CACHD1: variants seen among roughly 807,000 people sequenced by gnomAD.
The protein encoded by CACHD1 is VWFA and cache domain-containing protein 1.
CACHD1 carries 71 observed loss-of-function variants against 138.7 expected under a neutral mutation model. The observed-to-expected ratio is 0.51, with a 90% CI of 0.42 to 0.62. The LOEUF is 0.62. Among genes scored for constraint, CACHD1 ranks in the 20% least tolerant of loss-of-function variants. The pLI is 0.00. For missense variants in CACHD1, 1,389 were observed against 1,625.3 expected, an observed-to-expected ratio of 0.85 and a Z score of 2.50; for synonymous variants, 578 against 591.5, an observed-to-expected ratio of 0.98 and a Z score of 0.33.
chr1:64,685,042 C>G (rs1223379395), intron 26 of CACHD1, among the ~76,000 whole-genome samples: 1 of 152,196 alleles, frequency 6.6e-6, no homozygotes, highest in Non-Finnish European at 1.5e-5. Context: ...CTCCCAACCT[C>G]AGGTGATCCG....
intron 1 of CACHD1, among the ~76,000 whole-genome samples, chr1:64,524,035 AAAAG>A (rs1646518421): frequency 6.6e-6 from 1 of 152,132 alleles, no homozygotes; most frequent in Admixed American, 6.5e-5. Flanking sequence ...GTACAAAAAA[AAAAG>A]AGACACCATC....
chr1:64,472,259 C>T (rs1233330981), intron 1 of CACHD1, among the ~76,000 whole-genome samples: 3 of 152,034 alleles, frequency 2.0e-5, no homozygotes, highest in Admixed American at 2.0e-4. Flanking sequence ...TCCTCCTTCT[C>T]GTTCTTCTCC....
chr1:64,671,025 A>C (rs1040476034), intron 16 of CACHD1, among the ~76,000 whole-genome samples: 2 of 152,200 alleles, frequency 1.3e-5, no homozygotes, highest in East Asian at 3.9e-4. Context: ...TTGTTCTAGA[A>C]TATGAGCTGT....
intron 2 of CACHD1, among the ~76,000 whole-genome samples, chr1:64,566,949 C>T (rs1278521215): frequency 1.3e-5 from 2 of 151,862 alleles, no homozygotes; most frequent in Admixed American, 1.3e-4. Flanking sequence ...ATGTTTATTG[C>T]AGAGAGTAAA....
intron 16 of CACHD1, among the ~76,000 whole-genome samples, chr1:64,671,344 A>C (rs1649809241): frequency 6.6e-6 from 1 of 152,064 alleles, no homozygotes; most frequent in Non-Finnish European, 1.5e-5. Flanking sequence ...GGCCACTCTT[A>C]TTTATACAGT....
At chr1:64,624,876 C>T (rs182889878) in intron 4 of CACHD1, among the ~76,000 whole-genome samples, 1 of 152,246 alleles carries the variant, frequency 6.6e-6, no homozygotes, top group Non-Finnish European at 1.5e-5. Flanking sequence ...TGCTTTAAGT[C>T]CTATGTGTAG....
intron 1 of CACHD1, among the ~76,000 whole-genome samples, chr1:64,518,291 T>C (rs1377278284): frequency 4.7e-5 from 1 of 21,138 alleles, no homozygotes; most frequent in East Asian, 4.3e-3. Context: ...AATCAATGAC[T>C]TTTTTTTTTT....
intron 1 of CACHD1, among the ~76,000 whole-genome samples, chr1:64,485,400 CATT>C (rs1176371694): frequency 6.6e-6 from 1 of 152,158 alleles, no homozygotes; most frequent in African/African-American, 2.4e-5. Flanking sequence ...TAAATGGAAA[CATT>C]ATGGTGTGCA....
In CACHD1 at chr1:64,671,996, C is replaced by T. The variant is rs116040294; in HGVS notation, c.2510+310C>T. 2.9e-3 allele frequency among the ~76,000 whole-genome samples: 442 copies of T among 152,208 alleles called. 2 individuals carry two copies. The highest frequency in any genetic ancestry group is 0.01 in the African/African-American group (421 of 41,534). ...CCCATATCTTTGGTACTAGAAAGAC[C>T]AGAGAGGACTCTTGGGTAGGACTTT... On this transcript the variant is annotated intron_variant, in intron 17 of 26. Coordinates refer to ENST00000651257, the MANE Select transcript of CACHD1 (RefSeq NM_020925.4).
intron 1 of CACHD1, among the ~76,000 whole-genome samples, chr1:64,487,688 A>G (rs1235532365): frequency 6.6e-6 from 1 of 152,190 alleles, no homozygotes; most frequent in Non-Finnish European, 1.5e-5. Flanking sequence ...TAATTTCAAG[A>G]CAGACATGAA....
At chr1:64,639,822 T>C (rs1402655909) in intron 7 of CACHD1, among the ~76,000 whole-genome samples, 1 of 152,244 alleles carries the variant, frequency 6.6e-6, no homozygotes, top group Non-Finnish European at 1.5e-5. Context: ...ATCTTTATTG[T>C]CTCATAGTTT....
At chr1:64,495,200 G>T (rs1464338562) in intron 1 of CACHD1, among the ~76,000 whole-genome samples, 1 of 152,046 alleles carries the variant, frequency 6.6e-6, no homozygotes, top group African/African-American at 2.4e-5. Flanking sequence ...AGAATGGAAT[G>T]TATGAATATA....
chr1:64,546,177 C>G (rs1272221097), intron 1 of CACHD1, among the ~76,000 whole-genome samples: 1 of 152,076 alleles, frequency 6.6e-6, no homozygotes, highest in Non-Finnish European at 1.5e-5. Flanking sequence ...CTTTAGCCCT[C>G]CGGGGAGTTG....
At chr1:64,483,326 T>C (rs1423524355) in intron 1 of CACHD1, among the ~76,000 whole-genome samples, 1 of 152,182 alleles carries the variant, frequency 6.6e-6, no homozygotes, top group Non-Finnish European at 1.5e-5. Flanking sequence ...GAGGTTAGAC[T>C]TCATTAGTTA....
At chr1:64,578,967 A>T (rs970205329) in intron 2 of CACHD1, among the ~76,000 whole-genome samples, 2 of 152,198 alleles carry the variant, frequency 1.3e-5, no homozygotes, top group Admixed American at 1.3e-4. Flanking sequence ...AAGAATTTGT[A>T]GGAAATTTCT....
intron 3 of CACHD1, 132 bp downstream of exon 3, chr1:64,582,436 C>T: frequency 2.6e-6 from 2 of 773,814 alleles, no homozygotes; most frequent in Admixed American, 2.8e-5. Flanking sequence ...TTAAGATAAG[C>T]CCTTTATCTT....
Position 64,675,453 on chromosome 1 carries a change from C to T in CACHD1, c.2780C>T (p.Ala927Val), listed in dbSNP as rs1437900287. The T allele has an allele frequency of 1.2e-6, 2 of 1,613,502 alleles. No homozygotes were observed. The highest frequency in any genetic ancestry group is 1.7e-6 in the Non-Finnish European group (2 of 1,179,510). ...AGCCACTGTTCCAAATACAGATTAG[C>T]AAGGATCCCAGGAACCAACGCGTTT... ...HGSHCSKYRLARIPGTNAFVG... is the reference protein window; with the variant it reads ...HGSHCSKYRLVRIPGTNAFVG... The change falls in exon 20 of 27, where the codon GCA becomes GTA. Residue 927 changes from alanine to valine, a missense_variant. Ala to Val is a moderately conservative substitution (Grantham distance 64). Around this residue, in one of 5 missense-constraint regions of CACHD1, gnomAD observed 50 missense variants for 108.2 expected, o/e 0.46. Transcript: ENST00000651257.
At position 64,632,638 on chromosome 1, in the gene CACHD1, CATAGTAGTG is replaced by C. The variant is rs1293301649; in HGVS notation, c.687_695del (p.Val230_Ile232del). The C allele has an allele frequency of 1.2e-6, 2 of 1,614,032 alleles. No homozygotes were observed. On this transcript the variant is annotated inframe_deletion, in exon 6 of 27. Coordinates refer to ENST00000651257, the MANE Select transcript of CACHD1 (RefSeq NM_020925.4). The stretch of plus-strand genomic sequence containing the variant: ...CTACAGTCCGGCCGCAGTCAAAGCA[CATAGTAGTG>C]ATTCTGGACCACGGGGCTTCAGTCA...
intron 4 of CACHD1, among the ~76,000 whole-genome samples, chr1:64,603,667 C>T (rs1647259083): frequency 6.6e-6 from 1 of 152,084 alleles, no homozygotes; most frequent in South Asian, 2.1e-4. Flanking sequence ...TACCATATAC[C>T]AAGGTTGAAC....
Sources: gnomAD v4.1 joint callset for allele counts (sites outside exome capture counted in the v4.1 genomes callset) on GRCh38, gnomAD v4.1.1 for gene constraint, gnomAD v4.1.1 regional missense constraint, MANE v1.5 for transcripts, NCBI Gene and HGNC (gene_info 2026-07-23, HGNC 2026-07-21) for gene names.